The following PSEN1 variants were observed in gnomAD, a reference collection of about 807,000 sequenced individuals.
PSEN1 encodes presenilin-1.
Under a neutral mutation model 53.5 loss-of-function variants are expected in PSEN1, and 15 were observed. The observed-to-expected ratio is 0.28, with a 90% CI of 0.19 to 0.43. The LOEUF is 0.43. Ranked by LOEUF, PSEN1 falls within the 20% of genes least tolerant of loss-of-function variation. The pLI is 1.00. For missense variants in PSEN1, 387 were observed against 571.2 expected (o/e 0.68, Z 3.29); for synonymous variants, 208 against 209.8 (o/e 0.99, Z 0.08).
intron 3 of PSEN1, chr14:73,168,182 C>T (rs1375279172): frequency 2.0e-5 from 3 of 152,028 alleles, no homozygotes; most frequent in Non-Finnish European, 2.9e-5. Context: ...ATGGCAAAAC[C>T]GTATCTCTAC....
intron 3 of PSEN1, among the ~76,000 whole-genome samples, chr14:73,159,524 G>T (rs1225118385): frequency 6.6e-6 from 1 of 152,108 alleles, no homozygotes; most frequent in Non-Finnish European, 1.5e-5. Context: ...CCAAGGTATG[G>T]ATCAAAGTTC....
chr14:73,214,325 G>A (rs922280242), intron 10 of PSEN1, among the ~76,000 whole-genome samples: 11 of 152,134 alleles, frequency 7.2e-5, no homozygotes, highest in African/African-American at 2.4e-4. Flanking sequence ...GAGATCAGGA[G>A]TTCGAGACCA....
chr14:73,137,792 T>C (rs528650126), intron 1 of PSEN1, among the ~76,000 whole-genome samples: 2 of 152,134 alleles, frequency 1.3e-5, no homozygotes, highest in Non-Finnish European at 2.9e-5. Context: ...CCAATAGAAA[T>C]AAAATGTGAG....
At chr14:73,156,472 A>C (rs1897357320) in intron 3 of PSEN1, among the ~76,000 whole-genome samples, 1 of 152,048 alleles carries the variant, frequency 6.6e-6, no homozygotes, top group Non-Finnish European at 1.5e-5. Context: ...AATACATACT[A>C]AAATATTTAT....
intron 8 of PSEN1, among the ~76,000 whole-genome samples, chr14:73,204,525 AT>A (rs1377710479): frequency 5.6e-5 from 8 of 142,458 alleles, no homozygotes; most frequent in Non-Finnish European, 1.1e-4. Context: ...TGCTTTTTAC[AT>A]TTAAAAAAAA....
At position 73,148,058 on chromosome 14, in the gene PSEN1, T is replaced by C; in HGVS notation, c.39T>C (p.Asn13=). Residue 13 remains asparagine, a synonymous_variant, in exon 3 of 12, where the codon AAT becomes AAC. Coordinates refer to ENST00000324501, the MANE Select transcript of PSEN1 (RefSeq NM_000021.4). Reference sequence around the variant, plus strand: ...CTGCACCGTTGTCCTACTTCCAGAATGCACAGATGTCTGAGGACAACCACC... The same window carrying C: ...CTGCACCGTTGTCCTACTTCCAGAACGCACAGATGTCTGAGGACAACCACC... ...ELPAPLSYFQ[N]AQMSEDNHLS... is the part of the protein sequence containing the mutation. 1 of 1,614,128 alleles carries C rather than the reference T, an allele frequency of 6.2e-7. No homozygotes were observed. Among genetic ancestry groups the C allele is most frequent in the South Asian group, 1.1e-5 (1 of 91,080 alleles).
chr14:73,177,385 G>T (rs192128855), intron 5 of PSEN1, among the ~76,000 whole-genome samples: 5 of 151,494 alleles, frequency 3.3e-5, no homozygotes, highest in East Asian at 1.9e-4. Flanking sequence ...GGGTTTTTTT[G>T]TGTGTGTGTT....
chr14:73,138,471 G>T lies in PSEN1; in HGVS notation c.-136+1888G>T, dbSNP rs964571634. On this transcript the variant is annotated intron_variant, in intron 1 of 11. Transcript: ENST00000324501. ...CCTGACCTCGTGATCCGCCCGCCTC[G>T]GCCTCCCAGAGTGCTGCGATTACAG... Among the ~76,000 whole-genome samples the T allele has an allele frequency of 3.3e-5, 5 of 150,532 alleles. No homozygotes were observed. The East Asian group carries it at 1.0e-3, about 31-fold the overall frequency.
At chr14:73,192,417 G>C (rs1198907664) in intron 6 of PSEN1, among the ~76,000 whole-genome samples, 1 of 151,620 alleles carries the variant, frequency 6.6e-6, no homozygotes, top group African/African-American at 2.4e-5. Flanking sequence ...CTCCAGCCTG[G>C]GCAACAAAAT....
chr14:73,170,936 A>G lies in PSEN1; in HGVS notation c.227A>G (p.Lys76Arg). The G allele has an allele frequency of 6.2e-7, 1 of 1,614,204 alleles. No homozygotes were observed. The highest frequency in any genetic ancestry group is 8.5e-7 in the Non-Finnish European group (1 of 1,180,042). ...DEEEDEELTLKYGAKHVIMLF... is the reference protein window; with the variant it reads ...DEEEDEELTLRYGAKHVIMLF... ...GAAGAAGATGAGGAGCTGACATTGA[A>G]ATATGGCGCCAAGCATGTGATCATG... Residue 76 changes from lysine to arginine, a missense_variant, in exon 4 of 12, where the codon AAA becomes AGA. By Grantham distance (26) the Lys-to-Arg change is conservative. Coordinates refer to ENST00000324501, the MANE Select transcript of PSEN1 (RefSeq NM_000021.4).
chr14:73,166,815 T>G (rs956716562), intron 3 of PSEN1, among the ~76,000 whole-genome samples: 1 of 152,230 alleles, frequency 6.6e-6, no homozygotes, highest in Non-Finnish European at 1.5e-5. Flanking sequence ...TGCTTTAGAA[T>G]AGTTTCCTTT....
At chr14:73,150,190 TG>T (rs1307805046) in intron 3 of PSEN1, among the ~76,000 whole-genome samples, 18 of 152,340 alleles carry the variant, frequency 1.2e-4, no homozygotes, top group Admixed American at 1.2e-3. Flanking sequence ...GCTGTTTTTT[TG>T]ATAAGCTTTT....
chr14:73,214,847 G>T (rs1899846848), intron 10 of PSEN1, among the ~76,000 whole-genome samples: 1 of 152,162 alleles, frequency 6.6e-6, no homozygotes, highest in South Asian at 2.1e-4. Context: ...AGAGTTCTGT[G>T]GATGGACGAT....
intron 10 of PSEN1, among the ~76,000 whole-genome samples, chr14:73,212,793 C>T (rs1289817361): frequency 6.6e-6 from 1 of 152,212 alleles, no homozygotes; most frequent in Non-Finnish European, 1.5e-5. Flanking sequence ...GCTCAGTCAT[C>T]TCTTCAGTTA....
At position 73,219,581 on chromosome 14, in the gene PSEN1, T is replaced by G; in HGVS notation, c.*292T>G. Reference sequence around the variant, plus strand: ...GAGATATGATAGGCCCGGAAGTTGCTGTGCCCCATCAGCAGCTTGACGCGT... The same window carrying G: ...GAGATATGATAGGCCCGGAAGTTGCGGTGCCCCATCAGCAGCTTGACGCGT... On this transcript the variant is annotated 3_prime_UTR_variant, in exon 12 of 12. Coordinates refer to ENST00000324501, the MANE Select transcript of PSEN1 (RefSeq NM_000021.4). The G allele has an allele frequency of 2.4e-6, 1 of 419,852 alleles. No individual in the cohort carries two copies. The highest frequency in any genetic ancestry group is 2.2e-5 in the South Asian group (1 of 45,648). 26.0% of individuals were successfully genotyped at this position (419,852 alleles called of 1,614,324 possible).
At chr14:73,146,901 C>T (rs570775798) in intron 1 of PSEN1, among the ~76,000 whole-genome samples, 7 of 152,224 alleles carry the variant, frequency 4.6e-5, no homozygotes, top group Admixed American at 3.3e-4. Context: ...AAAGAATTGG[C>T]TGATGGAAAT....
intron 9 of PSEN1, among the ~76,000 whole-genome samples, chr14:73,207,375 A>G (rs1160244890): frequency 6.6e-6 from 1 of 152,194 alleles, no homozygotes; most frequent in Non-Finnish European, 1.5e-5. Context: ...ATAGTCTAAA[A>G]AAAGGGCTAA....
At chr14:73,174,102 T>A in intron 5 of PSEN1, 1 of 247,736 alleles carries the variant, frequency 4.0e-6, no homozygotes, top group Non-Finnish European at 7.7e-6. Flanking sequence ...TTAGTGATAA[T>A]TTATGTTATT....
chr14:73,189,746 A>C (rs1472435517), intron 6 of PSEN1: 1 of 169,486 alleles, frequency 5.9e-6, no homozygotes, highest in African/African-American at 2.4e-5. Flanking sequence ...AGAATTGTGC[A>C]AGCCCTGGAC....
Sources: gnomAD v4.1 joint callset for allele counts (sites outside exome capture counted in the v4.1 genomes callset) on GRCh38, gnomAD v4.1.1 for gene constraint, MANE v1.5 for transcripts, NCBI Gene and HGNC (gene_info 2026-07-23, HGNC 2026-07-21) for gene names.